The following BCL2 variants were observed in gnomAD, a reference collection of about 807,000 sequenced individuals.
BCL2 encodes the protein BCL2 apoptosis regulator.
BCL2 carries 1 observed loss-of-function variant against 14.2 expected under a neutral mutation model. That is an observed-to-expected ratio of 0.07 (90% CI 0.02 to 0.33). BCL2 has a LOEUF of 0.33. Ranked by LOEUF, BCL2 falls within the 10% of genes least tolerant of loss-of-function variation. The probability of loss-of-function intolerance (pLI) is 0.99; values close to 1 mark genes in which losing one functional copy is unlikely to be tolerated. For synonymous variants in BCL2, 151 were observed against 137.2 expected (o/e 1.10, Z -0.70); for missense variants, 247 against 305.9 (o/e 0.81, Z 1.44).
chr18:63,274,117 G>A (rs1224672555), intron 2 of BCL2, among the ~76,000 whole-genome samples: 1 of 151,954 alleles, frequency 6.6e-6, no homozygotes, highest in Non-Finnish European at 1.5e-5. Context: ...TTAGGAAGGA[G>A]GGAGAGATAT....
rs1423545689 is a variant in BCL2 at position 63,146,325 on chromosome 18, A to G, written c.586-17566T>C. 2.0e-5 allele frequency among the ~76,000 whole-genome samples: 3 copies of G among 152,248 alleles called. No homozygotes were observed. The East Asian group carries it at 5.8e-4, about 29-fold the overall frequency. ...TGGCCATAGCTGCGAGGGACCTTCCAGCCCGCCTCCTGGCAGAAGGACGCT... is the reference window on the plus strand; with the variant it reads ...TGGCCATAGCTGCGAGGGACCTTCCGGCCCGCCTCCTGGCAGAAGGACGCT... On this transcript the variant is annotated intron_variant, in intron 2 of 2. Transcript: ENST00000333681.
At chr18:63,163,240 C>T (rs1251554040) in intron 2 of BCL2, among the ~76,000 whole-genome samples, 2 of 152,186 alleles carry the variant, frequency 1.3e-5, no homozygotes, top group African/African-American at 2.4e-5. Flanking sequence ...CAGCTCATCC[C>T]ACCTGAAAAT....
chr18:63,194,682 A>C (rs1448202833), intron 2 of BCL2, among the ~76,000 whole-genome samples: 1 of 152,242 alleles, frequency 6.6e-6, no homozygotes, highest in Non-Finnish European at 1.5e-5. Context: ...ATAACTTACA[A>C]GTGCAGCCAT....
rs375844897 is a variant in BCL2 at position 63,198,350 on chromosome 18, A to T, written c.586-69591T>A. 3.7e-3 allele frequency among the ~76,000 whole-genome samples: 554 copies of T among 150,880 alleles called. 3 individuals are homozygous for T. Among genetic ancestry groups the T allele is most frequent in the African/African-American group, 0.013 (516 of 40,906 alleles). On this transcript the variant is annotated intron_variant, in intron 2 of 2. Transcript: ENST00000333681. ...CAGAGACACACACACAGACACAGAG[A>T]CACACACAGACACACACTGACATAG... is the stretch of plus-strand genomic sequence containing the variant.
At chr18:63,130,503 G>A (rs193173835) in intron 2 of BCL2, among the ~76,000 whole-genome samples, 4 of 152,296 alleles carry the variant, frequency 2.6e-5, no homozygotes, top group South Asian at 4.1e-4. Flanking sequence ...ACAATCATTG[G>A]TCTTTGGCTT....
intron 2 of BCL2, among the ~76,000 whole-genome samples, chr18:63,183,734 CAGAT>C (rs1398946241): frequency 6.6e-6 from 1 of 152,192 alleles, no homozygotes; most frequent in Non-Finnish European, 1.5e-5. Context: ...GGGGCTTAAA[CAGAT>C]GTCTGAGAAT....
chr18:63,281,510 T>C (rs2037537042), intron 2 of BCL2, among the ~76,000 whole-genome samples: 1 of 151,536 alleles, frequency 6.6e-6, no homozygotes, highest in Admixed American at 6.6e-5. Context: ...TACAAAAAAA[T>C]ACAAAAATTA....
chr18:63,302,332 AAG>A (rs963681512), intron 2 of BCL2: 6 of 983,460 alleles, frequency 6.1e-6, no homozygotes, highest in African/African-American at 5.3e-5. Context: ...GAAAGAGAGA[AAG>A]AGAGAGAGGA....
Position 63,300,452 on chromosome 18 carries a change from T to TTC in BCL2, c.585+17628_585+17629dup, listed in dbSNP as rs544913458. ...AAAAAAGAAAGAGATCTTGTGCTCC[T>TTC]TCTCTCTCTCTCTCTGTGTGTGTGT... On this transcript the variant is annotated intron_variant, in intron 2 of 2. Coordinates refer to ENST00000333681, the MANE Select transcript of BCL2 (RefSeq NM_000633.3). Among the ~76,000 whole-genome samples, 1,415 of 141,684 alleles carry TTC rather than the reference T, an allele frequency of 1.0e-2. 6 individuals carry two copies. Among genetic ancestry groups the TTC allele is most frequent in the Non-Finnish European group, 0.012 (770 of 63,046 alleles). The allele number at this position is 141,684 out of a possible 152,430, so 93.0% of individuals were successfully genotyped here.
intron 2 of BCL2, among the ~76,000 whole-genome samples, chr18:63,195,100 G>T (rs1296381662): frequency 2.6e-5 from 4 of 152,210 alleles, no homozygotes; most frequent in African/African-American, 4.8e-5. Context: ...CGACCAGAGT[G>T]ACCCCAGAAC....
chr18:63,239,763 C>A (rs1215333000), intron 2 of BCL2, among the ~76,000 whole-genome samples: 2 of 151,742 alleles, frequency 1.3e-5, no homozygotes, highest in African/African-American at 4.8e-5. Flanking sequence ...AATCAGAACT[C>A]TTTATCAGGT....
intron 2 of BCL2, among the ~76,000 whole-genome samples, chr18:63,141,735 T>A (rs1371125096): frequency 6.6e-6 from 1 of 152,212 alleles, no homozygotes; most frequent in Non-Finnish European, 1.5e-5. Context: ...CATGTGGCTC[T>A]CCTCCCCACC....
At chr18:63,199,391 C>T (rs1035602857) in intron 2 of BCL2, among the ~76,000 whole-genome samples, 2 of 143,910 alleles carry the variant, frequency 1.4e-5, no homozygotes, top group African/African-American at 5.3e-5. Flanking sequence ...CATGCATAGA[C>T]ACACACAACA....
At position 63,169,332 on chromosome 18, in the gene BCL2, C is replaced by CTTTCTTT. The variant is rs1555697348; in HGVS notation, c.586-40574_586-40573insAAAGAAA. Among the ~76,000 whole-genome samples, 133 of 35,556 alleles carry CTTTCTTT rather than the reference C, an allele frequency of 3.7e-3. 1 individual carries two copies. The highest frequency in any genetic ancestry group is 5.4e-3 in the East Asian group (3 of 558). 23.3% of individuals were successfully genotyped at this position (35,556 alleles called of 152,430 possible). ...TCTTCCTTCCTTCCTTCTTTCCTTT[C>CTTTCTTT]CTTCCTTTCTTTCTTTCTTTCTTTC... On this transcript the variant is annotated intron_variant, in intron 2 of 2. Transcript: ENST00000333681.
At chr18:63,194,165 G>A (rs1302635140) in intron 2 of BCL2, among the ~76,000 whole-genome samples, 1 of 152,136 alleles carries the variant, frequency 6.6e-6, no homozygotes, top group Non-Finnish European at 1.5e-5. Flanking sequence ...TTTGTTTGAT[G>A]CTGAAGCAGA....
In BCL2 at chr18:63,219,451, CTTTTTTTTTTTT is replaced by C. The variant is rs11289698; in HGVS notation, c.586-90704_586-90693del. Among the ~76,000 whole-genome samples, 16 of 109,782 alleles carry C rather than the reference CTTTTTTTTTTTT, an allele frequency of 1.5e-4. No homozygotes were observed. The East Asian group carries it at 2.9e-3, about 20-fold the overall frequency. 72.0% of individuals were successfully genotyped at this position (109,782 alleles called of 152,430 possible). On this transcript the variant is annotated intron_variant, in intron 2 of 2. Coordinates refer to ENST00000333681, the MANE Select transcript of BCL2 (RefSeq NM_000633.3). ...ACACCATGTATCAACCACAGCAGAA[CTTTTTTTTTTTT>C]TTTTTTTTTTTGAGACGGATTCTCG...
At chr18:63,191,220 T>C (rs1042487357) in intron 2 of BCL2, among the ~76,000 whole-genome samples, 5 of 152,240 alleles carry the variant, frequency 3.3e-5, no homozygotes, top group Admixed American at 6.5e-5. Flanking sequence ...ATATACCCAG[T>C]AATGGGATTG....
chr18:63,278,161 A>C (rs1912210222), intron 2 of BCL2, among the ~76,000 whole-genome samples: 1 of 152,238 alleles, frequency 6.6e-6, no homozygotes, highest in African/African-American at 2.4e-5. Context: ...AATTTTACTC[A>C]GAAATTATCA....
At position 63,317,962 on chromosome 18, in the gene BCL2, C is replaced by G. The variant is rs555499082; in HGVS notation, c.585+120G>C. ...AGGTAGGGACGCCGGGAAGCAACAA[C>G]TCTGATTTTATTTCGCCGGCTCCAC... On this transcript the variant is annotated intron_variant, in intron 2 of 2. Coordinates refer to ENST00000333681, the MANE Select transcript of BCL2 (RefSeq NM_000633.3). 8.7e-6 allele frequency: 13 copies of G among 1,487,726 alleles called. 1 individual carries two copies. The South Asian group carries it at 1.8e-4, about 20-fold the overall frequency. The allele number at this position is 1,487,726 out of a possible 1,614,324, so 92.2% of individuals were successfully genotyped here.
Sources: allele counts gnomAD v4.1 joint callset (sites outside exome capture counted in the v4.1 genomes callset), GRCh38; gene constraint gnomAD v4.1.1; transcripts MANE v1.5; gene names NCBI Gene and HGNC (gene_info 2026-07-23, HGNC 2026-07-21).